Variants in TRIO observed in about 807,000 individuals in gnomAD.
The protein encoded by TRIO is trio Rho guanine nucleotide exchange factor.
TRIO carries 58 observed loss-of-function variants against 351.9 expected under a neutral mutation model. That is an observed-to-expected ratio of 0.16 (90% confidence interval 0.13 to 0.21). The LOEUF (loss-of-function observed/expected upper bound fraction) is 0.21, where lower values mean the gene tolerates loss of function less well. Ranked by LOEUF, TRIO falls within the 10% of genes least tolerant of loss-of-function variation. TRIO has a pLI of 1.00. For missense variants in TRIO, 3,201 were observed against 4,027.8 expected (o/e 0.79, Z 5.56); for synonymous variants, 1,758 against 1,595.7 (o/e 1.10, Z -2.42).
Position 14,481,329 on chromosome 5 carries a change from C to G in TRIO, c.6387+45C>G, listed in dbSNP as rs1048461959. The G allele has an allele frequency of 3.7e-6, 6 of 1,607,450 alleles. No homozygotes were observed. In the African/African-American group the frequency reaches 6.7e-5, roughly 18 times the overall value. ...TGGGCACCCAAATCCCCACCAGCCT[C>G]TTTTCCTAATCCCCAAGTGTCTCCT... On this transcript the variant is annotated intron_variant, in intron 44 of 56. Transcript: ENST00000344204.
chr5:14,504,622 C>G, intron 55 of TRIO, 29 bp downstream of exon 55: 1 of 1,609,412 alleles, frequency 6.2e-7, no homozygotes, highest in African/African-American at 1.3e-5. Flanking sequence ...TTCCCTCTGC[C>G]CAGCCCTCTG....
intron 1 of TRIO, among the ~76,000 whole-genome samples, chr5:14,237,824 G>T (rs1159005901): frequency 6.6e-6 from 1 of 152,190 alleles, no homozygotes; most frequent in African/African-American, 2.4e-5. Flanking sequence ...AAGAGAAACG[G>T]TTACCAGCTG....
intron 9 of TRIO, among the ~76,000 whole-genome samples, chr5:14,329,991 T>C (rs1740760116): frequency 6.6e-6 from 1 of 152,234 alleles, no homozygotes; most frequent in Non-Finnish European, 1.5e-5. Flanking sequence ...TACTTATTTT[T>C]TAAAACCACA....
chr5:14,263,126 T>C (rs1795458657), intron 1 of TRIO, among the ~76,000 whole-genome samples: 2 of 152,204 alleles, frequency 1.3e-5, no homozygotes, highest in Admixed American at 1.3e-4. Flanking sequence ...TCTTCTCCTA[T>C]TCTCATCGCT....
intron 19 of TRIO, among the ~76,000 whole-genome samples, chr5:14,374,691 A>G (rs1381658943): frequency 6.6e-6 from 1 of 152,202 alleles, no homozygotes; most frequent in African/African-American, 2.4e-5. Context: ...TAGGCAAAGG[A>G]TTTTTAAAAG....
At chr5:14,316,460 A>T (rs1739388517) in intron 8 of TRIO, 53 bp from the exon 9 acceptor site, 6 of 1,589,858 alleles carry the variant, frequency 3.8e-6, no homozygotes, top group Non-Finnish European at 4.3e-6. Flanking sequence ...TCTGTGGCAC[A>T]GCCTAGGCCA....
intron 30 of TRIO, chr5:14,399,359 G>A (rs774835039): frequency 5.2e-5 from 23 of 439,302 alleles, no homozygotes; most frequent in Non-Finnish European, 8.8e-5. Flanking sequence ...TTTATCTCCG[G>A]TGTGCTTAAC....
intron 15 of TRIO, 114 bp downstream of exon 15, chr5:14,364,930 C>A: frequency 7.6e-7 from 1 of 1,323,410 alleles, no homozygotes; most frequent in Non-Finnish European, 1.0e-6. Flanking sequence ...GCTCAGAACA[C>A]AGCTTTCCTG....
chr5:14,438,796 G>A (rs953890409), intron 34 of TRIO, among the ~76,000 whole-genome samples: 3 of 152,210 alleles, frequency 2.0e-5, no homozygotes, highest in Non-Finnish European at 2.9e-5. Flanking sequence ...CTGGTTCCGC[G>A]TTTCTGTCTA....
At chr5:14,166,160 G>C (rs1788752002) in intron 1 of TRIO, among the ~76,000 whole-genome samples, 1 of 152,222 alleles carries the variant, frequency 6.6e-6, no homozygotes, top group Non-Finnish European at 1.5e-5. Flanking sequence ...GAGTCTGTTG[G>C]ATTCTGCATT....
At chr5:14,154,739 T>C (rs1788009935) in intron 1 of TRIO, among the ~76,000 whole-genome samples, 1 of 152,222 alleles carries the variant, frequency 6.6e-6, no homozygotes, top group Non-Finnish European at 1.5e-5. Context: ...ACGTTTACTT[T>C]GGAGTTTTAA....
At chr5:14,359,785 G>A (rs1172155727) in intron 13 of TRIO, among the ~76,000 whole-genome samples, 4 of 152,250 alleles carry the variant, frequency 2.6e-5, no homozygotes, top group African/African-American at 7.2e-5. Context: ...CGCGTGGCAG[G>A]AGCAGAGCAC....
chr5:14,170,508 CTT>C (rs3994019), intron 1 of TRIO, among the ~76,000 whole-genome samples: 68,273 of 133,542 alleles, frequency 0.51, 16,867 homozygotes, highest in African/African-American at 0.62. Flanking sequence ...GCTTCTCTCT[CTT>C]TTTTTTTTTT....
At chr5:14,173,404 C>G (rs1178243799) in intron 1 of TRIO, among the ~76,000 whole-genome samples, 3 of 151,830 alleles carry the variant, frequency 2.0e-5, no homozygotes, top group Non-Finnish European at 4.4e-5. Context: ...TAGAGACGGG[C>G]TTTCACCATG....
intron 9 of TRIO, among the ~76,000 whole-genome samples, chr5:14,320,192 GAAT>G (rs1431392057): frequency 1.3e-5 from 2 of 152,218 alleles, no homozygotes; most frequent in Non-Finnish European, 2.9e-5. Flanking sequence ...TTGAATGAAT[GAAT>G]AAATGAATAG....
intron 4 of TRIO, among the ~76,000 whole-genome samples, chr5:14,288,554 C>G (rs1197124101): frequency 6.6e-6 from 1 of 152,058 alleles, no homozygotes; most frequent in Non-Finnish European, 1.5e-5. Context: ...GTAGTCCCAG[C>G]TACTTGGGAG....
chr5:14,174,582 G>A (rs1020270559), intron 1 of TRIO, among the ~76,000 whole-genome samples: 13 of 152,174 alleles, frequency 8.5e-5, no homozygotes, highest in African/African-American at 2.9e-4. Context: ...CGTCAGGGTC[G>A]TATACAACAC....
At chr5:14,304,107 A>G (rs1003296246) in intron 7 of TRIO, among the ~76,000 whole-genome samples, 10 of 152,178 alleles carry the variant, frequency 6.6e-5, no homozygotes, top group Non-Finnish European at 8.8e-5. Flanking sequence ...CCTTGCTAGG[A>G]GTGCAGGGCA....
chr5:14,305,178 A>G (rs1738251471), intron 8 of TRIO, among the ~76,000 whole-genome samples: 1 of 152,252 alleles, frequency 6.6e-6, no homozygotes, highest in South Asian at 2.1e-4. Context: ...TGAGTCACAG[A>G]GATAAATGAC....
Sources: gnomAD v4.1 joint callset for allele counts (sites outside exome capture counted in the v4.1 genomes callset) on GRCh38, gnomAD v4.1.1 for gene constraint, MANE v1.5 for transcripts, NCBI Gene and HGNC (gene_info 2026-07-23, HGNC 2026-07-21) for gene names.